Variants in PSPC1 observed in about 807,000 individuals in gnomAD.
PSPC1 encodes the protein paraspeckle component 1.
In PSPC1, 14 loss-of-function variants were observed where a neutral mutation model predicts 51.6. That is an observed-to-expected ratio of 0.27 (90% CI 0.18 to 0.42). PSPC1 has a LOEUF of 0.42. PSPC1 is among the 10% of genes least tolerant of loss of function. The pLI is 1.00. For missense variants in PSPC1, 406 were observed against 701.1 expected, an observed-to-expected ratio of 0.58 and a Z score of 4.75; for synonymous variants, 193 against 231.9, an observed-to-expected ratio of 0.83 and a Z score of 1.53.
At chr13:19,676,317 T>C (rs1876627582) in intron 7 of PSPC1, among the ~76,000 whole-genome samples, 1 of 152,202 alleles carries the variant, frequency 6.6e-6, no homozygotes. Context: ...TTCTGTTGCA[T>C]AGGCTGAGGG....
intron 2 of PSPC1, among the ~76,000 whole-genome samples, chr13:19,761,023 T>A (rs899846834): frequency 8.0e-5 from 12 of 150,738 alleles, no homozygotes; most frequent in African/African-American, 2.9e-4. Context: ...ATTAGCCAGG[T>A]AGCATACACT....
At chr13:19,689,194 G>T (rs1275360890) in intron 6 of PSPC1, among the ~76,000 whole-genome samples, 2 of 152,198 alleles carry the variant, frequency 1.3e-5, no homozygotes, top group Non-Finnish European at 2.9e-5. Flanking sequence ...TGCTCCGGCT[G>T]CTCTAGACAG....
intron 6 of PSPC1, among the ~76,000 whole-genome samples, chr13:19,720,713 A>T (rs567115390): frequency 2.0e-5 from 3 of 152,328 alleles, no homozygotes; most frequent in Non-Finnish European, 4.4e-5. Context: ...AAACAAGAAT[A>T]AATCAAATGA....
chr13:19,744,833 G>C, intron 4 of PSPC1, among the ~76,000 whole-genome samples: 1 of 152,098 alleles, frequency 6.6e-6, no homozygotes, highest in East Asian at 1.9e-4. Flanking sequence ...AAAGTGCTGG[G>C]ATTAAAGGCG....
chr13:19,673,087 GGT>G (rs1491272362), downstream of PSPC1: 9 of 52,532 alleles, frequency 1.7e-4, 1 homozygote, highest in South Asian at 5.1e-4. Flanking sequence ...GAACCTATAC[GGT>G]TTTTTTTTGT....
At chr13:19,697,309 G>A (rs1378971821) in intron 6 of PSPC1, among the ~76,000 whole-genome samples, 2 of 152,186 alleles carry the variant, frequency 1.3e-5, no homozygotes, top group Non-Finnish European at 2.9e-5. Context: ...TCTAATGCAT[G>A]CTCAAGTGTG....
At chr13:19,676,439 C>CAGCTGTTT (rs1404865935) in intron 7 of PSPC1, among the ~76,000 whole-genome samples, 1 of 152,164 alleles carries the variant, frequency 6.6e-6, no homozygotes, top group Non-Finnish European at 1.5e-5. Context: ...GTATGCAAAA[C>CAGCTGTTT]AGCTGTCACA....
intron 2 of PSPC1, among the ~76,000 whole-genome samples, chr13:19,771,971 T>G (rs957964306): frequency 2.6e-5 from 4 of 152,188 alleles, no homozygotes; most frequent in African/African-American, 9.6e-5. Flanking sequence ...AGGATTACCT[T>G]AAGTTTATAG....
intron 2 of PSPC1, among the ~76,000 whole-genome samples, chr13:19,771,943 C>T (rs530358830): frequency 6.6e-6 from 1 of 152,112 alleles, no homozygotes; most frequent in African/African-American, 2.4e-5. Context: ...GTCAATAAAG[C>T]TGATTACAAT....
chr13:19,747,545 T>A (rs1220268058), intron 4 of PSPC1, among the ~76,000 whole-genome samples: 1 of 152,066 alleles, frequency 6.6e-6, no homozygotes, highest in Non-Finnish European at 1.5e-5. Flanking sequence ...GTTACTGAGG[T>A]TAGTCTTGAA....
At chr13:19,718,629 G>C (rs1593610853) in intron 6 of PSPC1, among the ~76,000 whole-genome samples, 1 of 151,936 alleles carries the variant, frequency 6.6e-6, no homozygotes, top group Non-Finnish European at 1.5e-5. Flanking sequence ...ATCACTCTTT[G>C]CATTTTACCC....
chr13:19,718,961 G>A (rs146707330), intron 6 of PSPC1, among the ~76,000 whole-genome samples: 3 of 152,242 alleles, frequency 2.0e-5, no homozygotes, highest in Admixed American at 2.0e-4. Context: ...GGTTGCCAAG[G>A]GTTAGGTGGA....
intron 1 of PSPC1, among the ~76,000 whole-genome samples, chr13:19,778,150 G>A (rs537107832): frequency 1.3e-5 from 2 of 151,988 alleles, no homozygotes; most frequent in South Asian, 2.1e-4. Flanking sequence ...GCTGAGGCAG[G>A]AGAATCGCTT....
intron 2 of PSPC1, among the ~76,000 whole-genome samples, chr13:19,768,975 A>C (rs1412907350): frequency 9.6e-6 from 1 of 104,628 alleles, no homozygotes; most frequent in Admixed American, 1.0e-4. Context: ...TCTCTACTGC[A>C]AAAAAAAAAA....
intron 3 of PSPC1, among the ~76,000 whole-genome samples, chr13:19,754,237 A>G (rs933669889): frequency 2.6e-5 from 4 of 152,046 alleles, no homozygotes; most frequent in Non-Finnish European, 5.9e-5. Flanking sequence ...GGCTCCTGCC[A>G]CCACACCCAG....
chr13:19,733,786 A>AAAATAT (rs1555237785), intron 5 of PSPC1, among the ~76,000 whole-genome samples: 2 of 141,788 alleles, frequency 1.4e-5, no homozygotes, highest in African/African-American at 5.2e-5. Context: ...AAGAAAAAAA[A>AAAATAT]ATATATATAT....
chr13:19,700,730 CATA>C (rs1174661086), downstream of PSPC1, among the ~76,000 whole-genome samples: 1 of 151,908 alleles, frequency 6.6e-6, no homozygotes, highest in Non-Finnish European at 1.5e-5. Flanking sequence ...CACAAACTAT[CATA>C]ATATTGTTAT....
At position 19,743,835 on chromosome 13, in the gene PSPC1, T is replaced by C. The variant is rs183607581; in HGVS notation, c.968-2186A>G. On this transcript the variant is annotated intron_variant, in intron 4 of 8. Coordinates refer to ENST00000338910, the MANE Select transcript of PSPC1 (RefSeq NM_001354909.2). ...CTTAAATACCTGACCAGTATTTAAG[T>C]AATGGCTCACACCTGTAATCCCAGC... Among the ~76,000 whole-genome samples the C allele has an allele frequency of 4.5e-3, 691 of 152,266 alleles. 5 individuals are homozygous for C. Among genetic ancestry groups the C allele is most frequent in the South Asian group, 0.026 (127 of 4,818 alleles).
rs375383852 is a variant in PSPC1 at position 19,746,194 on chromosome 13, G to C, written c.968-4545C>G. On this transcript the variant is annotated intron_variant, in intron 4 of 8. Coordinates refer to ENST00000338910, the MANE Select transcript of PSPC1 (RefSeq NM_001354909.2). Reference sequence around the variant, plus strand: ...TGAGGTGGGCGGATCACGAGGTCAGGAGTTCAAGATCAGCCTGACCAACAT... The same window carrying C: ...TGAGGTGGGCGGATCACGAGGTCAGCAGTTCAAGATCAGCCTGACCAACAT... Among the ~76,000 whole-genome samples the C allele has an allele frequency of 4.3e-3, 648 of 151,288 alleles. 12 individuals carry two copies. In the South Asian group the frequency reaches 0.053, roughly 12 times the overall value.
Sources: gnomAD v4.1 joint callset for allele counts (sites outside exome capture counted in the v4.1 genomes callset) on GRCh38, gnomAD v4.1.1 for gene constraint, MANE v1.5 for transcripts, NCBI Gene and HGNC (gene_info 2026-07-23, HGNC 2026-07-21) for gene names.